Variants in PDHX observed in about 807,000 individuals in gnomAD.
PDHX encodes the protein pyruvate dehydrogenase complex component X, also known as pyruvate dehydrogenase protein X component, mitochondrial.
In PDHX, 33 loss-of-function variants were observed where a neutral mutation model predicts 55.3. The observed-to-expected ratio is 0.60, with a 90% CI of 0.45 to 0.80. The LOEUF is 0.80. Ranked by LOEUF, PDHX falls within the 30% of genes least tolerant of loss-of-function variation. PDHX has a pLI of 0.00. For missense variants in PDHX, 622 were observed against 619.9 expected (o/e 1.00, Z -0.04); for synonymous variants, 226 against 219.4 (o/e 1.03, Z -0.27).
chr11:34,965,338 G>A (rs901654279), intron 5 of PDHX, among the ~76,000 whole-genome samples: 4 of 152,172 alleles, frequency 2.6e-5, no homozygotes, highest in Non-Finnish European at 4.4e-5. Flanking sequence ...CTTGCCATGC[G>A]TGGTCTCCAT....
In PDHX at chr11:34,995,064, C is replaced by T. The variant is rs1235408312; in HGVS notation, c.1398C>T (p.Leu466=). The T allele has an allele frequency of 2.5e-6, 4 of 1,614,068 alleles. No homozygotes were observed. The highest frequency in any genetic ancestry group is 2.5e-6 in the Non-Finnish European group (3 of 1,179,954). Reference sequence around the variant, plus strand: ...ATGCCAAACTGCAGCAGCGCCAGCTCATAACAGTCACAATGTCAAGTGACA... The same window carrying T: ...ATGCCAAACTGCAGCAGCGCCAGCTTATAACAGTCACAATGTCAAGTGACA... ...EGNAKLQQRQ[L]ITVTMSSDSR... Residue 466 remains leucine (L), a synonymous_variant, in exon 11 of 11, where the codon CTC becomes CTT. Transcript: ENST00000227868.
At chr11:34,943,151 T>C (rs1450002972) in intron 2 of PDHX, among the ~76,000 whole-genome samples, 2 of 152,186 alleles carry the variant, frequency 1.3e-5, no homozygotes, top group Non-Finnish European at 2.9e-5. Flanking sequence ...AACATTTAAG[T>C]GTCCTGTCCG....
At chr11:34,989,655 T>G (rs1855720162) in intron 9 of PDHX, among the ~76,000 whole-genome samples, 1 of 152,202 alleles carries the variant, frequency 6.6e-6, no homozygotes, top group South Asian at 2.1e-4. Flanking sequence ...TTGGCTGGCT[T>G]TTTTTCATCA....
At chr11:34,980,322 A>G (rs1007775361) in intron 8 of PDHX, among the ~76,000 whole-genome samples, 22 of 128,914 alleles carry the variant, frequency 1.7e-4, no homozygotes, top group African/African-American at 6.2e-4. Context: ...AATTCATTTT[A>G]ATTTTTTTTA....
chr11:34,920,700 G>T (rs1853857781), intron 1 of PDHX, among the ~76,000 whole-genome samples: 1 of 152,048 alleles, frequency 6.6e-6, no homozygotes, highest in Non-Finnish European at 1.5e-5. Flanking sequence ...TTACATCTTA[G>T]CAAGGCTGAA....
At chr11:34,948,562 A>ATCCTCTTT (rs1322448155) in intron 3 of PDHX, among the ~76,000 whole-genome samples, 6 of 134,550 alleles carry the variant, frequency 4.5e-5, no homozygotes, top group Non-Finnish European at 7.8e-5. Flanking sequence ...TTTCTAGAAA[A>ATCCTCTTT]TCCTCTTTTC....
At chr11:34,951,853 C>G (rs550397201) in intron 3 of PDHX, among the ~76,000 whole-genome samples, 1 of 152,252 alleles carries the variant, frequency 6.6e-6, no homozygotes, top group Non-Finnish European at 1.5e-5. Context: ...AGTCTTTAAT[C>G]CACCTTGAAT....
In PDHX at chr11:34,970,088, A is replaced by G. The variant is rs559387598; in HGVS notation, c.817-51A>G. The G allele has an allele frequency of 1.1e-5, 17 of 1,555,408 alleles. No homozygotes were observed. The Admixed American group carries it at 1.7e-4, about 15-fold the overall frequency. On this transcript the variant is annotated intron_variant, in intron 6 of 10. Coordinates refer to ENST00000227868, the MANE Select transcript of PDHX (RefSeq NM_003477.3). The stretch of plus-strand genomic sequence containing the variant: ...TATAAAGTTGCTTGTTTTTTGTTTT[A>G]TTTTTCTATTCCACTTGTGGTTTAA...
At chr11:34,916,368 G>A, upstream of PDHX, 2 of 1,569,170 alleles carry the variant, frequency 1.3e-6, no homozygotes, top group Non-Finnish European at 8.6e-7. Flanking sequence ...CAGCGAGGCC[G>A]CAAATGCAAT....
intron 1 of PDHX, among the ~76,000 whole-genome samples, chr11:34,928,371 CTT>C (rs56697214): frequency 7.1e-6 from 1 of 140,210 alleles, no homozygotes; most frequent in Non-Finnish European, 1.6e-5. Context: ...CACATTGGGA[CTT>C]TTTTTTTTTT....
chr11:34,966,750 C>T lies in PDHX; in HGVS notation c.752C>T (p.Ala251Val), dbSNP rs372896186. 9.3e-6 allele frequency: 15 copies of T among 1,614,132 alleles called. No individual in the cohort carries two copies. The African/African-American group carries it at 1.9e-4, about 20-fold the overall frequency. Reference protein sequence around the residue: ...PTAPSPLQATAGPSYPRPVIP... With the variant: ...PTAPSPLQATVGPSYPRPVIP... ...GCACCTTCGCCCCTACAGGCCACAG[C>T]TGGACCATCTTATCCCCGGCCTGTG... Residue 251 changes from alanine (A) to valine (V), a missense_variant, in exon 6 of 11, where the codon GCT becomes GTT. Transcript: ENST00000227868.
chr11:34,971,171 A>G (rs1204582064), intron 7 of PDHX, among the ~76,000 whole-genome samples: 1 of 152,146 alleles, frequency 6.6e-6, no homozygotes. Context: ...GAATGCATTT[A>G]CAGATTATTA....
chr11:34,933,528 A>G (rs1211416651), intron 2 of PDHX, among the ~76,000 whole-genome samples: 2 of 152,214 alleles, frequency 1.3e-5, no homozygotes, highest in Non-Finnish European at 1.5e-5. Context: ...TTTAAAGGAG[A>G]AACAGGTAAA....
intron 5 of PDHX, among the ~76,000 whole-genome samples, chr11:34,961,051 T>C (rs1855012987): frequency 6.6e-6 from 1 of 152,230 alleles, no homozygotes. Flanking sequence ...ATTGTATGCT[T>C]TAAAATCTGA....
intron 5 of PDHX, among the ~76,000 whole-genome samples, chr11:34,961,342 G>C (rs1035415984): frequency 6.6e-6 from 1 of 152,158 alleles, no homozygotes; most frequent in Admixed American, 6.5e-5. Context: ...TTGAAACTTA[G>C]TCTAGTAGGG....
intron 1 of PDHX, among the ~76,000 whole-genome samples, chr11:34,928,790 G>A (rs997873091): frequency 2.0e-5 from 3 of 152,176 alleles, no homozygotes; most frequent in Non-Finnish European, 4.4e-5. Context: ...GAGTATGTGT[G>A]TATGTGTGTT....
chr11:34,932,684 T>C (rs996038714), intron 2 of PDHX, among the ~76,000 whole-genome samples: 1 of 152,154 alleles, frequency 6.6e-6, no homozygotes, highest in African/African-American at 2.4e-5. Context: ...TTTGGCACTA[T>C]TTAGAAAAAT....
chr11:34,942,742 T>A (rs1287542806), intron 2 of PDHX, among the ~76,000 whole-genome samples: 1 of 152,224 alleles, frequency 6.6e-6, no homozygotes, highest in Non-Finnish European at 1.5e-5. Flanking sequence ...AATATTACTA[T>A]GTTTTTAAAA....
At position 34,966,771 on chromosome 11, in the gene PDHX, C is replaced by G. The variant is rs1353662537; in HGVS notation, c.773C>G (p.Pro258Arg). 7 of 1,614,046 alleles carry G rather than the reference C, an allele frequency of 4.3e-6. No homozygotes were observed. Among genetic ancestry groups the G allele is most frequent in the African/African-American group, 1.3e-5 (1 of 74,918 alleles). ...QATAGPSYPRPVIPPVSTPGQ... is the reference protein window; with the variant it reads ...QATAGPSYPRRVIPPVSTPGQ... ...ACAGCTGGACCATCTTATCCCCGGC[C>G]TGTGATCCCACCAGTATCAACTCCT... The change falls in exon 6 of 11, where the codon CCT becomes CGT. Residue 258 changes from proline (P) to arginine (R), a missense_variant. Pro to Arg is a moderately radical substitution (Grantham distance 103, BLOSUM62 -2). Transcript: ENST00000227868.
Sources: gnomAD v4.1 joint callset for allele counts (sites outside exome capture counted in the v4.1 genomes callset) on GRCh38, gnomAD v4.1.1 for gene constraint, MANE v1.5 for transcripts, NCBI Gene and HGNC (gene_info 2026-07-23, HGNC 2026-07-21) for gene names.